The following DOK5 variants were observed in gnomAD, a reference collection of about 807,000 sequenced individuals.
DOK5 encodes the protein docking protein 5, also known as downstream of tyrosine kinase 5.
A neutral mutation model predicts 43.3 loss-of-function variants in DOK5; 27 were observed. The observed-to-expected ratio is 0.62, with a 90% CI of 0.46 to 0.86. The LOEUF (loss-of-function observed/expected upper bound fraction) is 0.86. Among genes scored for constraint, DOK5 ranks in the 40% least tolerant of loss-of-function variants. The pLI is 0.00. For missense variants in DOK5, 373 were observed against 392.9 expected, an observed-to-expected ratio of 0.95 and a Z score of 0.43; for synonymous variants, 146 against 140.1, an observed-to-expected ratio of 1.04 and a Z score of -0.30.
At chr20:54,602,256 C>T (rs1312315849) in intron 5 of DOK5, among the ~76,000 whole-genome samples, 1 of 152,136 alleles carries the variant, frequency 6.6e-6, no homozygotes, top group Non-Finnish European at 1.5e-5. Context: ...GTTTGGGAAA[C>T]CTTGTTATTC....
chr20:54,565,054 A>C (rs985119548), intron 2 of DOK5, among the ~76,000 whole-genome samples: 1 of 152,122 alleles, frequency 6.6e-6, no homozygotes, highest in African/African-American at 2.4e-5. Context: ...TCACTGCCTG[A>C]AAAGGGCCTT....
intron 1 of DOK5, among the ~76,000 whole-genome samples, chr20:54,481,671 C>T (rs545389069): frequency 2.0e-5 from 3 of 152,328 alleles, no homozygotes; most frequent in Non-Finnish European, 4.4e-5. Flanking sequence ...CAGGGCCCAG[C>T]ACAGAGTGGG....
At chr20:54,618,384 C>T (rs1428938340) in intron 6 of DOK5, among the ~76,000 whole-genome samples, 1 of 151,792 alleles carries the variant, frequency 6.6e-6, no homozygotes, top group African/African-American at 2.4e-5. Context: ...CACTCTGTAG[C>T]CCAGGCTGGA....
At chr20:54,575,544 G>A (rs1222246342) in intron 2 of DOK5, among the ~76,000 whole-genome samples, 1 of 152,128 alleles carries the variant, frequency 6.6e-6, no homozygotes, top group African/African-American at 2.4e-5. Flanking sequence ...AGGTTCAAGT[G>A]ATTATCCTGC....
chr20:54,540,540 G>A (rs1337157788), intron 1 of DOK5, among the ~76,000 whole-genome samples: 2 of 152,100 alleles, frequency 1.3e-5, no homozygotes, highest in Non-Finnish European at 2.9e-5. Flanking sequence ...TGTTTATTGA[G>A]ACAGGGTTTC....
intron 1 of DOK5, among the ~76,000 whole-genome samples, chr20:54,487,126 C>T (rs1981967927): frequency 6.6e-6 from 1 of 152,056 alleles, no homozygotes; most frequent in Non-Finnish European, 1.5e-5. Flanking sequence ...AGTATTTTTG[C>T]CTATTAACTC....
chr20:54,644,714 A>AAAAC (rs1555839810), intron 7 of DOK5, among the ~76,000 whole-genome samples: 8 of 134,266 alleles, frequency 6.0e-5, no homozygotes, highest in Admixed American at 2.2e-4. Context: ...TCAAAAAAAA[A>AAAAC]AAAAAAAAAA....
At chr20:54,502,432 A>G (rs1428875814) in intron 1 of DOK5, among the ~76,000 whole-genome samples, 1 of 152,200 alleles carries the variant, frequency 6.6e-6, no homozygotes, top group Non-Finnish European at 1.5e-5. Context: ...CTATAGCAAC[A>G]CTATTAAAAA....
intron 2 of DOK5, among the ~76,000 whole-genome samples, chr20:54,575,223 T>C (rs573037532): frequency 2.8e-4 from 43 of 152,230 alleles, no homozygotes; most frequent in African/African-American, 9.6e-4. Context: ...CTTTTCTAAA[T>C]TAAAGAGACT....
intron 1 of DOK5, among the ~76,000 whole-genome samples, chr20:54,541,075 C>T (rs1984142523): frequency 6.6e-6 from 1 of 152,202 alleles, no homozygotes; most frequent in Admixed American, 6.5e-5. Flanking sequence ...CTTTTCCAGG[C>T]TTTCTCAGCT....
intron 1 of DOK5, among the ~76,000 whole-genome samples, chr20:54,477,647 TA>T (rs201764530): frequency 0.037 from 5,153 of 139,558 alleles, 208 homozygotes; most frequent in African/African-American, 0.11. Context: ...GGAGTTAAGT[TA>T]AAAAAAAAAA....
At chr20:54,485,185 T>C (rs1168632942) in intron 1 of DOK5, among the ~76,000 whole-genome samples, 2 of 151,880 alleles carry the variant, frequency 1.3e-5, no homozygotes, top group East Asian at 3.9e-4. Flanking sequence ...CAAAAATTAG[T>C]CGGGCATGGT....
intron 2 of DOK5, among the ~76,000 whole-genome samples, chr20:54,587,010 G>GA (rs148688264): frequency 0.015 from 2,291 of 150,842 alleles, 65 homozygotes; most frequent in African/African-American, 0.053. Context: ...CTTATGTTTT[G>GA]AAAAAAAAAT....
chr20:54,610,519 C>CGATGGTA lies in DOK5; in HGVS notation c.732_735+3dup. ...CGCTTGCTACAGAGTGTGAAAAACT[C>CGATGGTA]GATGGTACGTTTGGAATTTCTTCCT... On this transcript the variant is annotated frameshift_variant, in exon 6 of 8. Transcript: ENST00000262593. LOFTEE classifies it high-confidence loss of function. The CGATGGTA allele has an allele frequency of 6.7e-7, 1 of 1,494,544 alleles. No individual in the cohort carries two copies. The highest frequency in any genetic ancestry group is 8.9e-7 in the Non-Finnish European group (1 of 1,117,808). The allele number at this position is 1,494,544 out of a possible 1,614,324, so 92.6% of individuals were successfully genotyped here.
chr20:54,647,718 C>T (rs1200524903), intron 7 of DOK5, among the ~76,000 whole-genome samples: 4 of 152,002 alleles, frequency 2.6e-5, no homozygotes, highest in Non-Finnish European at 5.9e-5. Flanking sequence ...TGGTCAAACG[C>T]GTCTGGGGGA....
chr20:54,609,155 C>G (rs186635376), intron 5 of DOK5, among the ~76,000 whole-genome samples: 2 of 152,302 alleles, frequency 1.3e-5, no homozygotes, highest in East Asian at 3.9e-4. Flanking sequence ...GCATTAACTG[C>G]ATAGACTGGG....
chr20:54,535,419 A>G (rs1983929472), intron 1 of DOK5, among the ~76,000 whole-genome samples: 2 of 152,026 alleles, frequency 1.3e-5, no homozygotes, highest in Admixed American at 1.3e-4. Context: ...TTGCTTCAAT[A>G]ATGTGGAGGT....
intron 1 of DOK5, among the ~76,000 whole-genome samples, chr20:54,521,772 A>G (rs752003978): frequency 6.6e-6 from 1 of 152,136 alleles, no homozygotes; most frequent in Admixed American, 6.6e-5. Context: ...CAACTCTCCA[A>G]TCACAACGTT....
intron 1 of DOK5, among the ~76,000 whole-genome samples, chr20:54,507,749 G>A (rs142435344): frequency 3.9e-5 from 6 of 152,302 alleles, no homozygotes; most frequent in Non-Finnish European, 8.8e-5. Flanking sequence ...AGAACCTAGG[G>A]CAGGAATGGG....
Sources: gnomAD v4.1 joint callset for allele counts (sites outside exome capture counted in the v4.1 genomes callset) on GRCh38, gnomAD v4.1.1 for gene constraint, MANE v1.5 for transcripts, NCBI Gene and HGNC (gene_info 2026-07-23, HGNC 2026-07-21) for gene names.